Variants in CRADD observed in about 807,000 individuals in gnomAD.
The protein encoded by CRADD is death domain-containing protein CRADD.
A neutral mutation model predicts 15.5 loss-of-function variants in CRADD; 9 were observed. That is an observed-to-expected ratio of 0.58 (90% CI 0.35 to 1.01). CRADD has a LOEUF of 1.01. CRADD is among the 50% of genes least tolerant of loss of function. The probability of loss-of-function intolerance (pLI) is 0.02; values close to 1 mark genes in which losing one functional copy is unlikely to be tolerated. For missense variants in CRADD, 227 were observed against 250.3 expected (o/e 0.91, Z 0.63); for synonymous variants, 118 against 107.6 (o/e 1.10, Z -0.60).
intron 2 of CRADD, among the ~76,000 whole-genome samples, chr12:93,827,716 T>A (rs1027995073): frequency 6.6e-6 from 1 of 152,044 alleles, no homozygotes; most frequent in Non-Finnish European, 1.5e-5. Flanking sequence ...TATGCCAACA[T>A]TGTCTTCAGT....
intron 2 of CRADD, among the ~76,000 whole-genome samples, chr12:93,683,255 C>T (rs1176764843): frequency 5.3e-5 from 8 of 152,242 alleles, no homozygotes; most frequent in Non-Finnish European, 7.3e-5. Context: ...ACAGGACCCC[C>T]TCCCTGTTCC....
At chr12:93,813,391 T>C (rs1957651114) in intron 2 of CRADD, among the ~76,000 whole-genome samples, 1 of 152,242 alleles carries the variant, frequency 6.6e-6, no homozygotes, top group South Asian at 2.1e-4. Flanking sequence ...CTTGGCAGCT[T>C]TTCTTGGCTC....
chr12:93,863,798 A>G (rs987597413), intron 2 of CRADD, among the ~76,000 whole-genome samples: 1 of 152,118 alleles, frequency 6.6e-6, no homozygotes, highest in African/African-American at 2.4e-5. Context: ...CATGAGTACC[A>G]CTTTGCTAAT....
intron 2 of CRADD, among the ~76,000 whole-genome samples, chr12:93,880,235 G>C (rs2137072418): frequency 6.6e-6 from 1 of 152,284 alleles, no homozygotes; most frequent in East Asian, 1.9e-4. Context: ...ATCTGGAAAG[G>C]AGAAAGCATG....
intron 2 of CRADD, among the ~76,000 whole-genome samples, chr12:93,711,675 C>G (rs1246349386): frequency 6.6e-6 from 1 of 152,052 alleles, no homozygotes; most frequent in Admixed American, 6.5e-5. Context: ...ACACTCTGAC[C>G]CTAGATCTTT....
intron 2 of CRADD, among the ~76,000 whole-genome samples, chr12:93,728,040 G>A (rs1476948737): frequency 6.6e-6 from 1 of 152,180 alleles, no homozygotes; most frequent in African/African-American, 2.4e-5. Flanking sequence ...CCCCTGGACT[G>A]TGAACCCTTG....
At chr12:93,691,255 C>CT (rs66640128) in intron 2 of CRADD, among the ~76,000 whole-genome samples, 6,798 of 141,476 alleles carry the variant, frequency 0.048, 409 homozygotes, top group African/African-American at 0.15. Context: ...CTTTTGTTTT[C>CT]TTTTTTTTTT....
intron 2 of CRADD, among the ~76,000 whole-genome samples, chr12:93,715,510 G>A (rs559746015): frequency 2.1e-4 from 32 of 152,266 alleles, no homozygotes; most frequent in African/African-American, 7.2e-4. Context: ...GTGTTAGGAT[G>A]TTTTGTCAAA....
At chr12:93,872,253 T>A (rs1201978081) in intron 2 of CRADD, among the ~76,000 whole-genome samples, 1 of 152,220 alleles carries the variant, frequency 6.6e-6, no homozygotes, top group Non-Finnish European at 1.5e-5. Flanking sequence ...ATTTTTTGAA[T>A]GAATTATTAG....
chr12:93,746,670 A>G (rs1055186650), intron 2 of CRADD, among the ~76,000 whole-genome samples: 3 of 152,228 alleles, frequency 2.0e-5, no homozygotes, highest in Non-Finnish European at 4.4e-5. Context: ...GTTGGCTACA[A>G]TCTAATTTCA....
intron 2 of CRADD, among the ~76,000 whole-genome samples, chr12:93,701,004 C>T (rs1258035612): frequency 1.3e-5 from 2 of 151,980 alleles, no homozygotes; most frequent in Non-Finnish European, 2.9e-5. Context: ...GGGCAGGGAC[C>T]TAGTGCTATT....
chr12:93,821,060 A>G (rs952927932), intron 2 of CRADD, among the ~76,000 whole-genome samples: 3 of 152,266 alleles, frequency 2.0e-5, no homozygotes, highest in Admixed American at 6.5e-5. Context: ...CACATTTTGC[A>G]TGGCTCACAG....
chr12:93,867,382 A>T (rs1410075771), intron 2 of CRADD, among the ~76,000 whole-genome samples: 2 of 68,804 alleles, frequency 2.9e-5, no homozygotes, highest in Non-Finnish European at 7.1e-5. Flanking sequence ...TTCAAGTTGT[A>T]TTTGACATAT....
chr12:93,689,591 C>A (rs564031646), intron 2 of CRADD, among the ~76,000 whole-genome samples: 375 of 152,222 alleles, frequency 2.5e-3, no homozygotes, highest in Non-Finnish European at 4.6e-3. Flanking sequence ...AACTTTAACT[C>A]CTTCTAAGAA....
intron 2 of CRADD, among the ~76,000 whole-genome samples, chr12:93,698,266 A>G (rs898339006): frequency 1.3e-5 from 2 of 152,170 alleles, no homozygotes. Flanking sequence ...GCTAAACTCC[A>G]GTTACTTCTA....
intron 2 of CRADD, among the ~76,000 whole-genome samples, chr12:93,710,258 C>G (rs758344094): frequency 4.1e-4 from 62 of 152,202 alleles, no homozygotes; most frequent in South Asian, 8.3e-4. Context: ...ATCTCATTTC[C>G]CCTGGTATCT....
At chr12:93,738,277 G>A (rs1411142912) in intron 2 of CRADD, 3 of 675,916 alleles carry the variant, frequency 4.4e-6, no homozygotes, top group South Asian at 3.2e-5. Flanking sequence ...GTGTCAGACT[G>A]TGGGGATGAG....
chr12:93,877,132 G>A (rs1211675636), intron 2 of CRADD, among the ~76,000 whole-genome samples: 2 of 152,214 alleles, frequency 1.3e-5, no homozygotes, highest in African/African-American at 4.8e-5. Context: ...ACCAGGCAGA[G>A]ACTCTTGTTC....
At chr12:93,888,204 T>A (rs1240671626) in intron 2 of CRADD, among the ~76,000 whole-genome samples, 1 of 152,042 alleles carries the variant, frequency 6.6e-6, no homozygotes, top group Non-Finnish European at 1.5e-5. Context: ...GGCAGGCGGA[T>A]CACGAGGTCA....
Sources: allele counts gnomAD v4.1 joint callset (sites outside exome capture counted in the v4.1 genomes callset), GRCh38; gene constraint gnomAD v4.1.1; transcripts MANE v1.5; gene names NCBI Gene and HGNC (gene_info 2026-07-23, HGNC 2026-07-21).